Variants in ZNF226 observed in about 807,000 individuals in gnomAD.
ZNF226 encodes Kruppel-associated box protein.
Under a neutral mutation model 11.4 loss-of-function variants are expected in ZNF226, and 6 were observed. The observed-to-expected ratio is 0.53, with a 90% CI of 0.29 to 1.04. ZNF226 has a LOEUF of 1.04. ZNF226 is among the 50% of genes least tolerant of loss of function. ZNF226 has a pLI of 0.08. For missense variants in ZNF226, 1,058 were observed against 956.5 expected (o/e 1.11, Z -1.40); for synonymous variants, 350 against 322.8 (o/e 1.08, Z -0.90).
chr19:44,195,424 A>T, the ZNF226 span, among the ~76,000 whole-genome samples: 1 of 152,202 alleles, frequency 6.6e-6, no homozygotes, highest in Non-Finnish European at 1.5e-5. Context: ...TGTCAACCTA[A>T]ATAGCAGACA....
intron 5 of ZNF226, 62 bp downstream of exon 5, chr19:44,173,014 G>T (rs778241095): frequency 4.8e-5 from 70 of 1,473,524 alleles, no homozygotes; most frequent in Admixed American, 8.0e-5. Context: ...CTTCTTCTTA[G>T]CCTTGTTGCC....
chr19:44,180,033 G>C (rs1357871451), downstream of ZNF226, among the ~76,000 whole-genome samples: 1 of 146,338 alleles, frequency 6.8e-6, no homozygotes, highest in Non-Finnish European at 1.5e-5. Flanking sequence ...GTTGCAGTGA[G>C]CTGCGATCGT....
At chr19:44,175,306 G>A in intron 5 of ZNF226, 192 bp from the exon 6 acceptor site, 2 of 1,404,830 alleles carry the variant, frequency 1.4e-6, no homozygotes, top group Non-Finnish European at 1.8e-6. Flanking sequence ...TGGGAGCTTG[G>A]TGGACCATCT....
Position 44,175,815 on chromosome 19 carries a change from A to G in ZNF226, c.553A>G (p.Asn185Asp), listed in dbSNP as rs1031912005. ...KTFLTESQRL[N>D]RDQQISIKNK... The stretch of plus-strand genomic sequence containing the variant: ...ATTCCTGACTGAGTCACAGAGATTG[A>G]ACAGAGATCAGCAAATTTCCATAAA... Residue 185 changes from asparagine to aspartate, a missense_variant, in exon 6 of 6, where the codon AAC (asparagine) becomes GAC (aspartate). Coordinates refer to ENST00000337433, the MANE Select transcript of ZNF226 (RefSeq NM_001032373.2). 1.2e-6 allele frequency: 2 copies of G among 1,613,804 alleles called. No homozygotes were observed. Among genetic ancestry groups the G allele is most frequent in the Non-Finnish European group, 1.7e-6 (2 of 1,179,828 alleles).
At chr19:44,194,229 A>G in the ZNF226 span, among the ~76,000 whole-genome samples, 1 of 152,178 alleles carries the variant, frequency 6.6e-6, no homozygotes, top group East Asian at 1.9e-4. Context: ...AGTCCGTCAT[A>G]GATGGCAGTG....
the ZNF226 span, among the ~76,000 whole-genome samples, chr19:44,191,079 A>G: frequency 6.6e-6 from 1 of 152,212 alleles, no homozygotes; most frequent in Non-Finnish European, 1.5e-5. Flanking sequence ...GTTATGCTTG[A>G]TCTTGATTAG....
At chr19:44,188,845 T>G in the ZNF226 span, among the ~76,000 whole-genome samples, 1 of 152,134 alleles carries the variant, frequency 6.6e-6, no homozygotes, top group South Asian at 2.1e-4. Flanking sequence ...TCAATGGGAA[T>G]ACAGTGGGTA....
At position 44,175,696 on chromosome 19, in the gene ZNF226, A is replaced by G; in HGVS notation, c.434A>G (p.Asp145Gly). The change falls in exon 6 of 6, where the codon GAT becomes GGT. Residue 145 changes from aspartate (D) to glycine (G), a missense_variant. By Grantham distance (94) the Asp-to-Gly change is moderately conservative. Coordinates refer to ENST00000337433, the MANE Select transcript of ZNF226 (RefSeq NM_001032373.2). ...GTELSIQISE[D>G]ENYIVNKADG... ...GAACTGTCTATTCAAATTTCTGAAG[A>G]TGAGAACTATATAGTAAATAAAGCA... is the stretch of plus-strand genomic sequence containing the variant. The G allele has an allele frequency of 1.9e-6, 3 of 1,612,984 alleles. No homozygotes were observed. The highest frequency in any genetic ancestry group is 1.1e-5 in the South Asian group (1 of 90,840).
the ZNF226 span, among the ~76,000 whole-genome samples, chr19:44,183,916 A>G: frequency 1.3e-5 from 2 of 152,200 alleles, no homozygotes; most frequent in African/African-American, 4.8e-5. Flanking sequence ...TCAGTTCTGT[A>G]TCTACTTTCC....
Position 44,172,883 on chromosome 19 carries a change from G to A in ZNF226, c.166G>A (p.Val56Ile), listed in dbSNP as rs1970266606. 2 of 1,605,038 alleles carry A rather than the reference G, an allele frequency of 1.2e-6. No homozygotes were observed. The highest frequency in any genetic ancestry group is 1.7e-6 in the Non-Finnish European group (2 of 1,175,754). ...AGGGCATCCACCCTTCAAACAAGAT[G>A]TATCACCTATAGAAAGAAATGAGCA... ...SVGHPPFKQD[V>I]SPIERNEQLW... Residue 56 changes from valine (V) to isoleucine (I), a missense_variant, in exon 5 of 6, where the codon GTA (valine) becomes ATA (isoleucine). Coordinates refer to ENST00000337433, the MANE Select transcript of ZNF226 (RefSeq NM_001032373.2).
chr19:44,177,731 G>A, downstream of ZNF226: 1 of 1,505,066 alleles, frequency 6.6e-7, no homozygotes, highest in Non-Finnish European at 8.8e-7. Flanking sequence ...CTCAAAGTCA[G>A]TGTTTCAGCC....
In ZNF226 at chr19:44,175,494, A is replaced by G. The variant is rs751705109; in HGVS notation, c.236-4A>G. ...CTATCTCTCTGAATCCTTTGTCCTT[A>G]CAGGAGAGAAAAATCAAAGTAAGTT... On this transcript the variant is annotated splice_polypyrimidine_tract_variant and splice_region_variant and intron_variant, in intron 5 of 5. Coordinates refer to ENST00000337433, the MANE Select transcript of ZNF226 (RefSeq NM_001032373.2). 11 of 1,574,308 alleles carry G rather than the reference A, an allele frequency of 7.0e-6. No homozygotes were observed. The East Asian group carries it at 2.2e-4, about 32-fold the overall frequency.
rs868010515 is a variant in ZNF226 at position 44,176,247 on chromosome 19, C to T, written c.985C>T (p.His329Tyr). ...GAHLQTHQKV[H>Y]VIEKPYKCKQ... ...TCATCTACAGACCCATCAGAAAGTC[C>T]ACGTGATAGAGAAACCATACAAATG... is the stretch of plus-strand genomic sequence containing the variant. Residue 329 changes from histidine to tyrosine, a missense_variant, in exon 6 of 6, where the codon CAC becomes TAC. Physicochemically the swap from His to Tyr is moderately conservative, Grantham distance 83 (BLOSUM62 2). Transcript: ENST00000337433. 2 of 1,614,006 alleles carry T rather than the reference C, an allele frequency of 1.2e-6. No homozygotes were observed. Among genetic ancestry groups the T allele is most frequent in the African/African-American group, 1.3e-5 (1 of 74,886 alleles).
chr19:44,181,112 C>T (rs935887347), downstream of ZNF226, among the ~76,000 whole-genome samples: 2 of 152,178 alleles, frequency 1.3e-5, no homozygotes, highest in Admixed American at 6.5e-5. Context: ...GGTGCAGTGG[C>T]TCACACCTGT....
At chr19:44,175,069 A>T (rs1970558382) in intron 5 of ZNF226, 2 of 1,608,344 alleles carry the variant, frequency 1.2e-6, no homozygotes, top group Admixed American at 1.7e-5. Flanking sequence ...GTTGGAAGTC[A>T]TTTATATATG....
Position 44,169,999 on chromosome 19 carries a change from T to C in ZNF226, c.-46-36T>C, listed in dbSNP as rs906500190. The C allele has an allele frequency of 4.7e-6, 7 of 1,478,496 alleles. No individual in the cohort carries two copies. The African/African-American group carries it at 7.0e-5, about 15-fold the overall frequency. 91.6% of individuals were successfully genotyped at this position (1,478,496 alleles called of 1,614,324 possible). On this transcript the variant is annotated intron_variant, in intron 2 of 5. Transcript: ENST00000337433. ...CAGCCACGTGCATTAGCAACATACT[T>C]ACCCAGTTTTGATTTATTTCTCTCT...
At chr19:44,168,782 C>T (rs908403472) in intron 2 of ZNF226, among the ~76,000 whole-genome samples, 3 of 151,982 alleles carry the variant, frequency 2.0e-5, no homozygotes, top group African/African-American at 2.4e-5. Flanking sequence ...GCCAGGTTAC[C>T]TTTTTCCTTT....
At chr19:44,169,094 C>T (rs750598791) in intron 2 of ZNF226, among the ~76,000 whole-genome samples, 3 of 149,336 alleles carry the variant, frequency 2.0e-5, no homozygotes, top group East Asian at 3.9e-4. Context: ...CTGCAACCTC[C>T]GCCTCCTGGG....
chr19:44,176,214 C>G lies in ZNF226; in HGVS notation c.952C>G (p.Gln318Glu). Residue 318 changes from glutamine to glutamate, a missense_variant, in exon 6 of 6, where the codon CAG becomes GAG. Transcript: ENST00000337433. ...KCDECGKEFS[Q>E]GAHLQTHQKV... ...TGATGAGTGTGGTAAGGAATTCAGT[C>G]AGGGCGCTCATCTACAGACCCATCA... 1.2e-6 allele frequency: 2 copies of G among 1,614,100 alleles called. No homozygotes were observed. Among genetic ancestry groups the G allele is most frequent in the Non-Finnish European group, 1.7e-6 (2 of 1,180,006 alleles).
Sources: gnomAD v4.1 joint callset for allele counts (sites outside exome capture counted in the v4.1 genomes callset) on GRCh38, gnomAD v4.1.1 for gene constraint, MANE v1.5 for transcripts, NCBI Gene and HGNC (gene_info 2026-07-23, HGNC 2026-07-21) for gene names.